The following SIRT1 variants were observed in gnomAD, a reference collection of about 807,000 sequenced individuals.
SIRT1 encodes the protein sirtuin 1.
Under a neutral mutation model 67.9 loss-of-function variants are expected in SIRT1, and 24 were observed. The observed-to-expected ratio is 0.35, with a 90% CI of 0.26 to 0.50. SIRT1 has a LOEUF of 0.50. SIRT1 is among the 20% of genes least tolerant of loss of function. The pLI is 0.98. For synonymous variants in SIRT1, 378 were observed against 350.7 expected (o/e 1.08, Z -0.87); for missense variants, 873 against 937.2 (o/e 0.93, Z 0.89).
At chr10:67,908,352 T>C (rs1400900689) in intron 6 of SIRT1, among the ~76,000 whole-genome samples, 1 of 152,218 alleles carries the variant, frequency 6.6e-6, no homozygotes, top group Non-Finnish European at 1.5e-5. Flanking sequence ...CTTCTTAGTA[T>C]CTAAGCCGAA....
rs1321218486 is a variant in SIRT1 at position 67,885,055 on chromosome 10, C to T, written c.334C>T (p.Arg112Trp). The change falls in exon 1 of 9, where the codon CGG becomes TGG. Residue 112 changes from arginine (R) to tryptophan (W), a missense_variant. By Grantham distance (101) the Arg-to-Trp change is moderately radical (BLOSUM62 -3). Around this residue, in one of 3 missense-constraint regions of SIRT1, gnomAD observed 327 missense variants for 283.9 expected, o/e 1.15. Transcript: ENST00000212015. ...TGGGCCGGGCCTGCAGGGCCCATCTCGGGAGCCACCGCTGGCCGACAACTT... is the reference window on the plus strand; with the variant it reads ...TGGGCCGGGCCTGCAGGGCCCATCTTGGGAGCCACCGCTGGCCGACAACTT... ...DNGPGLQGPS[R>W]EPPLADNLYD... 4 of 1,429,870 alleles carry T rather than the reference C, an allele frequency of 2.8e-6. No individual in the cohort carries two copies. Among genetic ancestry groups the T allele is most frequent in the Admixed American group, 2.8e-5 (1 of 35,752 alleles). The allele number at this position is 1,429,870 out of a possible 1,614,324, so 88.6% of individuals were successfully genotyped here.
Position 67,884,932 on chromosome 10 carries a change from G to T in SIRT1, c.211G>T (p.Ala71Ser). 8.0e-7 allele frequency: 1 copy of T among 1,245,750 alleles called. No homozygotes were observed. Among genetic ancestry groups the T allele is most frequent in the Non-Finnish European group, 1.0e-6 (1 of 995,344 alleles). The allele number at this position is 1,245,750 out of a possible 1,614,324, so 77.2% of individuals were successfully genotyped here. A position where few individuals can be genotyped will look rare whatever the true frequency, so the allele number is the denominator to read the frequency against. The change falls in exon 1 of 9, where the codon GCG becomes TCG. Residue 71 changes from alanine to serine, a missense_variant. Coordinates refer to ENST00000212015, the MANE Select transcript of SIRT1 (RefSeq NM_012238.5). ...GGCGGCCAGGGGCTGCCCGGGTGCG[G>T]CGGCGGCGGCGCTGTGGCGGGAGGC... ...PAAARGCPGA[A>S]AAALWREAEA...
chr10:67,902,084 G>T (rs1423351784), intron 4 of SIRT1, among the ~76,000 whole-genome samples: 1 of 152,184 alleles, frequency 6.6e-6, no homozygotes, highest in Non-Finnish European at 1.5e-5. Context: ...CGCCTCCCAG[G>T]TACAAGCGAT....
chr10:67,885,793 A>G (rs1030508824), intron 1 of SIRT1, among the ~76,000 whole-genome samples: 9 of 152,046 alleles, frequency 5.9e-5, no homozygotes, highest in Non-Finnish European at 1.0e-4. Flanking sequence ...AGCTGTTCAT[A>G]TTACTTTTAT....
chr10:67,903,411 GTCTT>G (rs763112404), intron 4 of SIRT1, among the ~76,000 whole-genome samples: 74 of 150,770 alleles, frequency 4.9e-4, no homozygotes, highest in East Asian at 7.8e-4. Flanking sequence ...TTGAGATGGA[GTCTT>G]TCTTTGTCAC....
chr10:67,907,960 T>G, intron 5 of SIRT1, 86 bp from the exon 6 acceptor site: 1 of 1,113,174 alleles, frequency 9.0e-7, no homozygotes, highest in Non-Finnish European at 1.3e-6. Flanking sequence ...TTAACATTTG[T>G]GATGTTAAAC....
In SIRT1 at chr10:67,900,606, T is replaced by G. The variant is rs35805197; in HGVS notation, c.943-6184T>G. On this transcript the variant is annotated intron_variant, in intron 4 of 8. Transcript: ENST00000212015. ...ACTACAGGTGTGCACCACCATGCCCTGCTGTTTCTTTGTTTTTTTTATATG... is the reference window on the plus strand; with the variant it reads ...ACTACAGGTGTGCACCACCATGCCCGGCTGTTTCTTTGTTTTTTTTATATG... 9.7e-3 allele frequency among the ~76,000 whole-genome samples: 1,460 copies of G among 150,398 alleles called. 27 individuals are homozygous for G. The highest frequency in any genetic ancestry group is 0.034 in the African/African-American group (1,383 of 41,170).
At chr10:67,904,786 G>A (rs536536508) in intron 4 of SIRT1, among the ~76,000 whole-genome samples, 1 of 151,852 alleles carries the variant, frequency 6.6e-6, no homozygotes, top group African/African-American at 2.4e-5. Flanking sequence ...GGAGGTTGTG[G>A]TGAGCTGAGA....
Position 67,884,985 on chromosome 10 carries a change from G to C in SIRT1, c.264G>C (p.Gly88=). 1.6e-6 allele frequency: 2 copies of C among 1,270,918 alleles called. No individual in the cohort carries two copies. Among genetic ancestry groups the C allele is most frequent in the Non-Finnish European group, 2.0e-6 (2 of 1,005,218 alleles). The allele number at this position is 1,270,918 out of a possible 1,614,324, so 78.7% of individuals were successfully genotyped here. A position where few individuals can be genotyped will look rare whatever the true frequency, so the allele number is the denominator to read the frequency against. ...EAEAEAAAAG[G]EQEAQATAAA... is the part of the protein sequence containing the mutation. ...AGGCAGAGGCGGCGGCGGCAGGCGG[G>C]GAGCAAGAGGCCCAGGCGACTGCGG... is the stretch of plus-strand genomic sequence containing the variant. Residue 88 remains glycine, a synonymous_variant, in exon 1 of 9, where the codon GGG becomes GGC. Transcript: ENST00000212015.
intron 4 of SIRT1, chr10:67,906,193 GA>G (rs1842817918): frequency 1.2e-5 from 17 of 1,438,302 alleles, no homozygotes; most frequent in African/African-American, 5.8e-5. Flanking sequence ...TATTTGGGGG[GA>G]AAAACACACA....
chr10:67,895,544 G>C (rs1460772546), intron 4 of SIRT1, among the ~76,000 whole-genome samples: 1 of 151,904 alleles, frequency 6.6e-6, no homozygotes, highest in African/African-American at 2.4e-5. Flanking sequence ...GTACTAGGCA[G>C]AAAGTTCACT....
At chr10:67,897,726 G>C (rs1352666862) in intron 4 of SIRT1, among the ~76,000 whole-genome samples, 1 of 151,784 alleles carries the variant, frequency 6.6e-6, no homozygotes, top group Non-Finnish European at 1.5e-5. Context: ...TCGAACTCCT[G>C]ACCTCAGGTG....
chr10:67,889,757 A>G (rs1842539572), intron 3 of SIRT1, among the ~76,000 whole-genome samples: 1 of 152,214 alleles, frequency 6.6e-6, no homozygotes, highest in Admixed American at 6.5e-5. Context: ...AGGGTGTTAC[A>G]TAATCTTAGA....
At chr10:67,885,604 A>G (rs1020393999) in intron 1 of SIRT1, among the ~76,000 whole-genome samples, 6 of 150,726 alleles carry the variant, frequency 4.0e-5, no homozygotes, top group Non-Finnish European at 5.9e-5. Flanking sequence ...TGCAAACTTG[A>G]CACCTGTGCA....
intron 4 of SIRT1, 74 bp from the exon 5 acceptor site, chr10:67,906,716 T>A (rs1842825400): frequency 7.1e-7 from 1 of 1,413,112 alleles, no homozygotes; most frequent in Non-Finnish European, 9.8e-7. Context: ...ATTATCAGTA[T>A]TTTTTTGTTA....
Position 67,884,822 on chromosome 10 carries a change from G to A in SIRT1, c.101G>A (p.Arg34His). ...TCGTCCCCCGCCGGGGAGCCGCTCC[G>A]CAAGAGGCCGCGGAGAGATGGTCCC... ...AASSPAGEPL[R>H]KRPRRDGPGL... The change falls in exon 1 of 9, where the codon CGC becomes CAC. Residue 34 changes from arginine (R) to histidine (H), a missense_variant. By Grantham distance (29) the Arg-to-His change is conservative. Coordinates refer to ENST00000212015, the MANE Select transcript of SIRT1 (RefSeq NM_012238.5). The A allele has an allele frequency of 8.4e-7, 1 of 1,185,298 alleles. No individual in the cohort carries two copies. The allele number at this position is 1,185,298 out of a possible 1,614,324, so 73.4% of individuals were successfully genotyped here.
At position 67,916,273 on chromosome 10, in the gene SIRT1, T is replaced by C; in HGVS notation, c.1924T>C (p.Tyr642His). The change falls in exon 9 of 9, where the codon TAT (tyrosine) becomes CAT (histidine). Residue 642 changes from tyrosine (Y) to histidine (H), a missense_variant. Physicochemically the swap from Tyr to His is moderately conservative, Grantham distance 83. Coordinates refer to ENST00000212015, the MANE Select transcript of SIRT1 (RefSeq NM_012238.5). ...TTATTACTGTATTTCAGGTAATCAG[T>C]ATCTGTTTTTGCCACCAAATCGTTA... ...QISRRLDGNQYLFLPPNRYIF... is the reference protein window; with the variant it reads ...QISRRLDGNQHLFLPPNRYIF... 6.3e-7 allele frequency: 1 copy of C among 1,597,672 alleles called. No homozygotes were observed. The highest frequency in any genetic ancestry group is 2.3e-5 in the East Asian group (1 of 44,402).
intron 4 of SIRT1, chr10:67,906,299 A>G: frequency 6.4e-7 from 1 of 1,569,254 alleles, no homozygotes; most frequent in Non-Finnish European, 8.6e-7. Context: ...TAAGGATTAA[A>G]ACTTTAGCTT....
rs1842453936 is a variant in SIRT1 at position 67,885,099 on chromosome 10, C to T, written c.378C>T (p.Asp126=). ...LADNLYDEDD[D]DEGEEEEEAA... is the part of the protein sequence containing the mutation. ...ACAACTTGTACGACGAAGACGACGA[C>T]GACGAGGGCGAGGAGGAGGAAGAGG... is the stretch of plus-strand genomic sequence containing the variant. The change falls in exon 1 of 9, where the codon GAC becomes GAT. Residue 126 remains aspartate, a synonymous_variant. Transcript: ENST00000212015. 2 of 1,445,062 alleles carry T rather than the reference C, an allele frequency of 1.4e-6. No individual in the cohort carries two copies. The highest frequency in any genetic ancestry group is 1.4e-5 in the South Asian group (1 of 72,804). 89.5% of individuals were successfully genotyped at this position (1,445,062 alleles called of 1,614,324 possible).
Sources: gnomAD v4.1 joint callset for allele counts (sites outside exome capture counted in the v4.1 genomes callset) on GRCh38, gnomAD v4.1.1 for gene constraint, gnomAD v4.1.1 regional missense constraint, MANE v1.5 for transcripts, NCBI Gene and HGNC (gene_info 2026-07-23, HGNC 2026-07-21) for gene names.